The following ACSF2 variants were observed in gnomAD, a reference collection of about 807,000 sequenced individuals.
ACSF2 encodes medium-chain acyl-CoA ligase ACSF2, mitochondrial.
Under a neutral mutation model 79.3 loss-of-function variants are expected in ACSF2, and 52 were observed. The observed-to-expected ratio is 0.66, with a 90% CI of 0.53 to 0.83. The LOEUF (loss-of-function observed/expected upper bound fraction) is 0.83, where lower values mean the gene tolerates loss of function less well. Among genes scored for constraint, ACSF2 ranks in the 40% least tolerant of loss-of-function variants. ACSF2 has a pLI of 0.00. For synonymous variants in ACSF2, 283 were observed against 312.6 expected, an observed-to-expected ratio of 0.91 and a Z score of 1.00; for missense variants, 661 against 803.3, an observed-to-expected ratio of 0.82 and a Z score of 2.14.
Position 50,460,774 on chromosome 17 carries a change from C to T in ACSF2, c.226C>T (p.Gln76Ter). 1 of 1,613,180 alleles carries T rather than the reference C, an allele frequency of 6.2e-7. No individual in the cohort carries two copies. Among genetic ancestry groups the T allele is most frequent in the Non-Finnish European group, 8.5e-7 (1 of 1,179,592 alleles). ...KKHLNSKTVGQCLETTAQRVP... is the reference protein window; with the variant it reads ...KKHLNSKTVG ...GCATCTTAACAGCAAGACTGTGGGC[C>T]AGTGCCTGGAGACCACAGCACAGAG... Residue 76 changes from glutamine to a stop codon, truncating the protein, a stop_gained, in exon 2 of 16, where the codon CAG becomes TAG. Transcript: ENST00000300441. LOFTEE classifies it high-confidence loss of function.
Position 50,426,244 on chromosome 17 carries a change from C to T in ACSF2, c.-18C>T. 7.5e-7 allele frequency: 1 copy of T among 1,333,608 alleles called. No homozygotes were observed. The highest frequency in any genetic ancestry group is 9.7e-7 in the Non-Finnish European group (1 of 1,034,976). The allele number at this position is 1,333,608 out of a possible 1,614,324, so 82.6% of individuals were successfully genotyped here. The stretch of plus-strand genomic sequence containing the variant: ...CTTTAAAAGTTTACTCGGGCCGGGA[C>T]GCAGGGCAAAGCGAGCCATGGCTGT... On this transcript the variant is annotated 5_prime_UTR_variant, in exon 1 of 16. It adds an upstream start codon to the 5' untranslated region. Coordinates refer to ENST00000300441, the MANE Select transcript of ACSF2 (RefSeq NM_025149.6).
chr17:50,453,781 T>C (rs1355716910), intron 1 of ACSF2, among the ~76,000 whole-genome samples: 1 of 149,792 alleles, frequency 6.7e-6, no homozygotes, highest in Non-Finnish European at 1.5e-5. Flanking sequence ...GTGTGTGTGC[T>C]GTTGTTGTTG....
chr17:50,468,388 C>A (rs202242428), intron 10 of ACSF2: 1 of 1,614,092 alleles, frequency 6.2e-7, no homozygotes, highest in Non-Finnish European at 8.5e-7. Context: ...GCGGGGAGAG[C>A]AACCCCCGGG....
chr17:50,448,922 G>C (rs2031471583), intron 1 of ACSF2, among the ~76,000 whole-genome samples: 1 of 151,374 alleles, frequency 6.6e-6, no homozygotes, highest in Non-Finnish European at 1.5e-5. Context: ...TGACACAAGT[G>C]ACTCCATTTT....
rs149712529 is a variant in ACSF2, at chr17:50,435,857, A to G, written c.128+9468A>G. Among the ~76,000 whole-genome samples the G allele has an allele frequency of 9.0e-4, 136 of 151,776 alleles. 1 individual carries two copies. The highest frequency in any genetic ancestry group is 2.9e-3 in the African/African-American group (122 of 41,378). ...GGTCTCCAACTCCTCGGTTCAAGCA[A>G]TTCTCCTGCCTCAGCCTCCCAAGTA... On this transcript the variant is annotated intron_variant, in intron 1 of 15. Transcript: ENST00000300441.
Position 50,463,636 on chromosome 17 carries a change from C to T in ACSF2, c.1046+84C>T. Reference sequence around the variant, plus strand: ...TGGGCCCTGACACCTTTCCAAGCTGCCTCCTCCCTCCAGCCAGGAGACTGA... The same window carrying T: ...TGGGCCCTGACACCTTTCCAAGCTGTCTCCTCCCTCCAGCCAGGAGACTGA... On this transcript the variant is annotated intron_variant, in intron 8 of 15. Coordinates refer to ENST00000300441, the MANE Select transcript of ACSF2 (RefSeq NM_025149.6). This position sits in a 1 kb window ranked among gnomAD's most constrained non-coding sequence, Gnocchi z 4.6. 2 of 1,562,362 alleles carry T rather than the reference C, an allele frequency of 1.3e-6. No individual in the cohort carries two copies. The highest frequency in any genetic ancestry group is 1.3e-5 in the African/African-American group (1 of 74,204).
At chr17:50,457,133 C>T (rs2032062832) in intron 1 of ACSF2, among the ~76,000 whole-genome samples, 1 of 152,112 alleles carries the variant, frequency 6.6e-6, no homozygotes, top group South Asian at 2.1e-4. Flanking sequence ...GGTGTCACAC[C>T]CTATTCCTAG....
Position 50,461,250 on chromosome 17 carries a change from A to C in ACSF2, c.333A>C (p.Lys111Asn). 1 of 1,614,184 alleles carries C rather than the reference A, an allele frequency of 6.2e-7. No individual in the cohort carries two copies. Among genetic ancestry groups the C allele is most frequent in the Non-Finnish European group, 8.5e-7 (1 of 1,180,016 alleles). ...CCCATCTTTTACACTAGGTGGACAA[A>C]GCTGCTTCTGGCCTCCTGAGCATTG... Reference protein sequence around the residue: ...TFAQLKEEVDKAASGLLSIGL... With the variant: ...TFAQLKEEVDNAASGLLSIGL... The change falls in exon 3 of 16, where the codon AAA (lysine) becomes AAC (asparagine). Residue 111 changes from lysine to asparagine, a missense_variant. Transcript: ENST00000300441.
intron 1 of ACSF2, chr17:50,426,772 C>T: frequency 1.0e-6 from 1 of 967,848 alleles, no homozygotes; most frequent in Non-Finnish European, 1.5e-6. Context: ...CATGGGCAAA[C>T]TTGGGGATCA....
chr17:50,444,103 T>C (rs2031130263), intron 1 of ACSF2, among the ~76,000 whole-genome samples: 4 of 152,240 alleles, frequency 2.6e-5, no homozygotes, highest in Admixed American at 2.6e-4. Context: ...AGAGGATTAC[T>C]GATTTGTTCT....
intron 1 of ACSF2, among the ~76,000 whole-genome samples, chr17:50,451,730 G>A (rs1032530974): frequency 2.6e-5 from 4 of 152,224 alleles, no homozygotes; most frequent in Non-Finnish European, 4.4e-5. Context: ...GATTATAGGC[G>A]TGAGCCACCG....
At chr17:50,439,208 C>CGACA (rs1359781193) in intron 1 of ACSF2, among the ~76,000 whole-genome samples, 5 of 140,036 alleles carry the variant, frequency 3.6e-5, no homozygotes, top group Non-Finnish European at 7.6e-5. Flanking sequence ...GCAGCTGGAA[C>CGACA]GACAGGTGCA....
At position 50,460,454 on chromosome 17, in the gene ACSF2, C is replaced by A. The variant is rs2143697248; in HGVS notation, c.129-223C>A. 6.9e-6 allele frequency: 4 copies of A among 579,224 alleles called. No homozygotes were observed. In the South Asian group the frequency reaches 7.9e-5, roughly 11 times the overall value. 35.9% of individuals were successfully genotyped at this position (579,224 alleles called of 1,614,324 possible). ...GGAAGGCGAAGGAGGGCCCTTTGCT[C>A]CAGCTTGGTGTAACCTTGTCCCTGT... On this transcript the variant is annotated intron_variant, in intron 1 of 15. Transcript: ENST00000300441.
intron 1 of ACSF2, 106 bp downstream of exon 1, chr17:50,426,495 G>T: frequency 8.0e-7 from 1 of 1,243,344 alleles, no homozygotes. Context: ...AGTGCACTGG[G>T]GGGAAGGTAC....
chr17:50,468,990 C>G, intron 10 of ACSF2: 1 of 1,365,072 alleles, frequency 7.3e-7, no homozygotes, highest in South Asian at 1.9e-5. Context: ...CGCTCGCGCC[C>G]AGAGATGCGC....
At chr17:50,449,905 C>T (rs556968065) in intron 1 of ACSF2, among the ~76,000 whole-genome samples, 3 of 152,252 alleles carry the variant, frequency 2.0e-5, no homozygotes, top group African/African-American at 7.2e-5. Flanking sequence ...ACCCATTAAA[C>T]GATAAGTTCC....
At position 50,448,919 on chromosome 17, in the gene ACSF2, A is replaced by G. The variant is rs148407050; in HGVS notation, c.129-11758A>G. On this transcript the variant is annotated intron_variant, in intron 1 of 15. Transcript: ENST00000300441. ...CTCCATTTTGTCAGGGTTTGACACA[A>G]GTGACTCCATTTTGATTCTAACAAC... Among the ~76,000 whole-genome samples the G allele has an allele frequency of 2.1e-3, 326 of 152,188 alleles. 1 individual carries two copies. The highest frequency in any genetic ancestry group is 3.8e-3 in the Non-Finnish European group (260 of 68,016).
At chr17:50,461,955 T>C (rs1007105725) in intron 4 of ACSF2, among the ~76,000 whole-genome samples, 1 of 148,346 alleles carries the variant, frequency 6.7e-6, no homozygotes, top group South Asian at 2.2e-4. Flanking sequence ...TGTGTGTGCG[T>C]GTGTCCATCC....
intron 1 of ACSF2, among the ~76,000 whole-genome samples, chr17:50,439,917 G>T (rs2030757123): frequency 6.6e-6 from 1 of 152,150 alleles, no homozygotes; most frequent in South Asian, 2.1e-4. Context: ...ATGTTTATTG[G>T]TAATGTCTCC....
Sources: gnomAD v4.1 joint callset for allele counts (sites outside exome capture counted in the v4.1 genomes callset) on GRCh38, gnomAD v4.1.1 for gene constraint, Gnocchi (gnomAD v3.1) non-coding constraint, MANE v1.5 for transcripts, NCBI Gene and HGNC (gene_info 2026-07-23, HGNC 2026-07-21) for gene names.